SGPP1: variants seen among roughly 807,000 people sequenced by gnomAD.
The protein encoded by SGPP1 is sphingosine-1-phosphate phosphatase 1.
Under a neutral mutation model 33.0 loss-of-function variants are expected in SGPP1, and 21 were observed. The ratio of observed to expected loss-of-function variants is 0.64; its 90% CI spans 0.45 to 0.92. The LOEUF (loss-of-function observed/expected upper bound fraction) is 0.92, where lower values mean the gene tolerates loss of function less well. Ranked by LOEUF, SGPP1 falls within the 40% of genes least tolerant of loss-of-function variation. SGPP1 has a pLI of 0.00. For missense variants in SGPP1, 543 were observed against 589.4 expected, an observed-to-expected ratio of 0.92 and a Z score of 0.81; for synonymous variants, 239 against 241.2, an observed-to-expected ratio of 0.99 and a Z score of 0.08.
intron 1 of SGPP1, among the ~76,000 whole-genome samples, chr14:63,709,965 G>C (rs1885491279): frequency 6.6e-6 from 1 of 152,086 alleles, no homozygotes; most frequent in African/African-American, 2.4e-5. Flanking sequence ...ATTGAAGGTA[G>C]TAAATTAAGT....
intron 1 of SGPP1, among the ~76,000 whole-genome samples, chr14:63,710,105 G>T (rs555256602): frequency 6.6e-6 from 1 of 152,160 alleles, no homozygotes; most frequent in South Asian, 2.1e-4. Flanking sequence ...AATGAATAGT[G>T]TACATGTAAA....
At position 63,686,422 on chromosome 14, in the gene SGPP1, A is replaced by T. The variant is rs749171001; in HGVS notation, c.1009T>A (p.Tyr337Asn). 2.1e-5 allele frequency: 34 copies of T among 1,613,708 alleles called. No individual in the cohort carries two copies. The East Asian group carries it at 7.6e-4, about 36-fold the overall frequency. The change falls in exon 3 of 3, where the codon TAT (tyrosine) becomes AAT (asparagine). Residue 337 changes from tyrosine to asparagine, a missense_variant. Coordinates refer to ENST00000247225, the MANE Select transcript of SGPP1 (RefSeq NM_030791.4). The part of the protein sequence containing the change: ...AGIACGSHVT[Y>N]NMGLVLDPSL... ...GGATCTAATACTAGACCCATGTTAT[A>T]AGTAACATGAGATCCACATGCAATT...
At position 63,693,738 on chromosome 14, in the gene SGPP1, T is replaced by A. The variant is rs142296916; in HGVS notation, c.774+4831A>T. ...AAGCAATCCTCCCACCTTGACCTCG[T>A]GAGTAGCTGGGATTACAGGTACAAG... On this transcript the variant is annotated intron_variant, in intron 2 of 2. Coordinates refer to ENST00000247225, the MANE Select transcript of SGPP1 (RefSeq NM_030791.4). Among the ~76,000 whole-genome samples the A allele has an allele frequency of 5.9e-3, 894 of 152,182 alleles. 6 individuals are homozygous for A. Among genetic ancestry groups the A allele is most frequent in the African/African-American group, 0.02 (851 of 41,518 alleles).
At chr14:63,697,162 C>G (rs1885203665) in intron 2 of SGPP1, among the ~76,000 whole-genome samples, 1 of 151,960 alleles carries the variant, frequency 6.6e-6, no homozygotes, top group Non-Finnish European at 1.5e-5. Flanking sequence ...TGCTTATGTA[C>G]CCCTTGAATC....
chr14:63,719,005 TATATATATA>T (rs1383286665), intron 1 of SGPP1, among the ~76,000 whole-genome samples: 139 of 27,708 alleles, frequency 5.0e-3, no homozygotes, highest in African/African-American at 9.9e-3. Context: ...TATATATATA[TATATATATA>T]TTTTTTTTTT....
Position 63,727,630 on chromosome 14 carries a change from C to G in SGPP1, c.315G>C (p.Ala105=). The change falls in exon 1 of 3, where the codon GCG becomes GCC. Residue 105 remains alanine, a synonymous_variant. Transcript: ENST00000247225. ...AELGPASPRR[A]GALRRNSLTG... ...TCAGCGAGTTGCGGCGCAGAGCGCC[C>G]GCGCGCCGCGGCGAGGCCGGGCCCA... is the stretch of plus-strand genomic sequence containing the variant. 2.1e-6 allele frequency: 3 copies of G among 1,421,908 alleles called. No homozygotes were observed. The highest frequency in any genetic ancestry group is 1.6e-5 in the South Asian group (1 of 63,508). The allele number at this position is 1,421,908 out of a possible 1,614,324, so 88.1% of individuals were successfully genotyped here. A position where few individuals can be genotyped will look rare whatever the true frequency, so the allele number is the denominator to read the frequency against.
chr14:63,724,486 C>T (rs1885834990), intron 1 of SGPP1, among the ~76,000 whole-genome samples: 1 of 151,874 alleles, frequency 6.6e-6, no homozygotes, highest in Admixed American at 6.6e-5. Flanking sequence ...TTAATTCTTC[C>T]CCCAGTTTCT....
intron 2 of SGPP1, among the ~76,000 whole-genome samples, chr14:63,691,169 A>T (rs981731806): frequency 2.0e-5 from 3 of 152,220 alleles, no homozygotes; most frequent in Admixed American, 2.0e-4. Flanking sequence ...TCAAGGAAAG[A>T]TATTACACAA....
chr14:63,707,106 A>G (rs1885424740), intron 1 of SGPP1, among the ~76,000 whole-genome samples: 1 of 151,770 alleles, frequency 6.6e-6, no homozygotes, highest in Middle Eastern at 3.4e-3. Flanking sequence ...AATGAGAAAA[A>G]TATAATTTAA....
intron 1 of SGPP1, among the ~76,000 whole-genome samples, chr14:63,701,333 G>A (rs1352175494): frequency 6.6e-6 from 1 of 152,090 alleles, no homozygotes; most frequent in Non-Finnish European, 1.5e-5. Context: ...TTGGGATTAA[G>A]TCATTGCCAC....
At chr14:63,712,133 A>G (rs1025482829) in intron 1 of SGPP1, among the ~76,000 whole-genome samples, 1 of 152,076 alleles carries the variant, frequency 6.6e-6, no homozygotes, top group African/African-American at 2.4e-5. Flanking sequence ...TCCACATATA[A>G]TATGGTCCCA....
intron 2 of SGPP1, among the ~76,000 whole-genome samples, chr14:63,689,686 C>A (rs1200334657): frequency 6.6e-6 from 1 of 151,818 alleles, no homozygotes; most frequent in Non-Finnish European, 1.5e-5. Flanking sequence ...ATCCCAGCTG[C>A]TCTGGAAGCT....
At chr14:63,719,235 C>T (rs931613184) in intron 1 of SGPP1, among the ~76,000 whole-genome samples, 13 of 150,426 alleles carry the variant, frequency 8.6e-5, no homozygotes, top group South Asian at 4.2e-4. Flanking sequence ...CCATGTCTGA[C>T]CTCGGCTGAT....
intron 2 of SGPP1, among the ~76,000 whole-genome samples, chr14:63,689,502 A>G (rs1885051888): frequency 6.6e-6 from 1 of 151,464 alleles, no homozygotes; most frequent in Admixed American, 6.6e-5. Context: ...CAAGCAAAAT[A>G]TTATCTAGTT....
chr14:63,689,529 G>A (rs1172116255), intron 2 of SGPP1, among the ~76,000 whole-genome samples: 1 of 152,084 alleles, frequency 6.6e-6, no homozygotes, highest in Non-Finnish European at 1.5e-5. Context: ...GGGGGTGGTG[G>A]CTCATGCCTG....
At chr14:63,726,666 A>G (rs1438948617) in intron 1 of SGPP1, among the ~76,000 whole-genome samples, 1 of 152,244 alleles carries the variant, frequency 6.6e-6, no homozygotes, top group Non-Finnish European at 1.5e-5. Context: ...AAACTTTATC[A>G]GCAAAGTAGC....
Position 63,727,788 on chromosome 14 carries a change from G to C in SGPP1, c.157C>G (p.Pro53Ala). The change falls in exon 1 of 3, where the codon CCT becomes GCT. Residue 53 changes from proline (P) to alanine (A), a missense_variant. By Grantham distance (27) the Pro-to-Ala change is conservative (BLOSUM62 -1). Transcript: ENST00000247225. The stretch of plus-strand genomic sequence containing the variant: ...CCTGGCTGCCGCCCTCGCAGTCGAG[G>C]GTCTCCGGCGAGAGGCGCCTCCGCT... ...EKAEAPLAGD[P>A]RLRGRQPGAP... 6.6e-7 allele frequency: 1 copy of C among 1,503,776 alleles called. No homozygotes were observed. The highest frequency in any genetic ancestry group is 2.8e-5 in the East Asian group (1 of 36,310). The allele number at this position is 1,503,776 out of a possible 1,614,324, so 93.2% of individuals were successfully genotyped here. A position where few individuals can be genotyped will look rare whatever the true frequency, so the allele number is the denominator to read the frequency against.
intron 1 of SGPP1, among the ~76,000 whole-genome samples, chr14:63,719,578 T>C (rs1041105684): frequency 3.3e-5 from 5 of 152,028 alleles, no homozygotes; most frequent in African/African-American, 1.2e-4. Context: ...TATTGGAATA[T>C]TTCTTGAGGG....
intron 1 of SGPP1, among the ~76,000 whole-genome samples, chr14:63,707,220 A>G (rs1020726727): frequency 3.3e-5 from 5 of 152,074 alleles, no homozygotes; most frequent in African/African-American, 1.2e-4. Flanking sequence ...TAGCAACTGA[A>G]CTCACCATAT....
Sources: allele counts gnomAD v4.1 joint callset (sites outside exome capture counted in the v4.1 genomes callset), GRCh38; gene constraint gnomAD v4.1.1; transcripts MANE v1.5; gene names NCBI Gene and HGNC (gene_info 2026-07-23, HGNC 2026-07-21).